MYO1H: variants seen among roughly 807,000 people sequenced by gnomAD.
MYO1H encodes the protein unconventional myosin-Ih.
MYO1H carries 118 observed loss-of-function variants against 149.3 expected under a neutral mutation model. The observed-to-expected ratio is 0.79, with a 90% CI of 0.68 to 0.92. The LOEUF is 0.92. Among genes scored for constraint, MYO1H ranks in the 40% least tolerant of loss-of-function variants. The probability of loss-of-function intolerance (pLI) is 0.00; values close to 1 mark genes in which losing one functional copy is unlikely to be tolerated. For missense variants in MYO1H, 1,212 were observed against 1,280.7 expected, an observed-to-expected ratio of 0.95 and a Z score of 0.82; for synonymous variants, 447 against 465.2, an observed-to-expected ratio of 0.96 and a Z score of 0.50.
the MYO1H span, among the ~76,000 whole-genome samples, chr12:109,337,087 G>C: frequency 6.6e-6 from 1 of 152,160 alleles, no homozygotes; most frequent in African/African-American, 2.4e-5. Context: ...GTCGTTGGAG[G>C]GAAGGAAGGA....
chr12:109,363,083 T>G (rs1022619011), intron 1 of MYO1H, among the ~76,000 whole-genome samples: 6 of 152,238 alleles, frequency 3.9e-5, no homozygotes, highest in African/African-American at 1.4e-4. Flanking sequence ...ATTAGGCACT[T>G]CCTTCCTCAC....
chr12:109,372,332 T>G (rs1224229824), intron 1 of MYO1H, among the ~76,000 whole-genome samples: 1 of 152,136 alleles, frequency 6.6e-6, no homozygotes, highest in African/African-American at 2.4e-5. Context: ...CCAGCCTTCC[T>G]TTTATAGAAC....
intron 9 of MYO1H, 114 bp downstream of exon 9, chr12:109,406,974 G>T: frequency 1.2e-6 from 1 of 853,448 alleles, no homozygotes. Flanking sequence ...TAGCTCACCA[G>T]GCCCTGCGTG....
chr12:109,409,318 A>G (rs1393063874), intron 10 of MYO1H, among the ~76,000 whole-genome samples: 1 of 138,280 alleles, frequency 7.2e-6, no homozygotes, highest in Non-Finnish European at 1.5e-5. Flanking sequence ...TGAACAAAGA[A>G]GTGAATCAGA....
At chr12:109,447,546 A>G (rs970327212) in exon 32 of MYO1H, 2 of 324,478 alleles carry the variant, frequency 6.2e-6, no homozygotes, top group Admixed American at 4.0e-5. Context: ...TACTGTGTAC[A>G]GCAAGTTCTC....
rs149916478 is a variant in MYO1H at position 109,442,130 on chromosome 12, T to A, written c.2633-87T>A. On this transcript the variant is annotated intron_variant, in intron 26 of 31. Coordinates refer to ENST00000310903, the Ensembl canonical transcript of MYO1H. ...CCCACCTGAGATCTTAGCACAGAGA[T>A]GCATAACAAAACTAGCAGATACCAA... is the stretch of plus-strand genomic sequence containing the variant. 9.3e-6 allele frequency: 10 copies of A among 1,078,382 alleles called. No homozygotes were observed. The East Asian group carries it at 2.4e-4, about 26-fold the overall frequency. 66.8% of individuals were successfully genotyped at this position (1,078,382 alleles called of 1,614,324 possible). A position where few individuals can be genotyped will look rare whatever the true frequency, so the allele number is the denominator to read the frequency against.
At chr12:109,431,272 C>T (rs941966178) in intron 19 of MYO1H, among the ~76,000 whole-genome samples, 8 of 147,244 alleles carry the variant, frequency 5.4e-5, no homozygotes, top group African/African-American at 1.5e-4. Context: ...CCCAGCTACT[C>T]GGGAGGCTGA....
At chr12:109,310,588 C>T in the MYO1H span, among the ~76,000 whole-genome samples, 1 of 151,636 alleles carries the variant, frequency 6.6e-6, no homozygotes, top group African/African-American at 2.4e-5. Flanking sequence ...AGGCAGGGGA[C>T]CAGTGTCCCC....
At chr12:109,410,690 G>T in exon 13 of MYO1H, 1 of 1,593,210 alleles carries the variant, frequency 6.3e-7, no homozygotes, top group South Asian at 1.1e-5. Context: ...CATTTTAGTG[G>T]GAGCCAATTA....
chr12:109,409,218 T>TCTC (rs1870536677), intron 10 of MYO1H, among the ~76,000 whole-genome samples: 3 of 117,976 alleles, frequency 2.5e-5, no homozygotes, highest in African/African-American at 5.8e-5. Flanking sequence ...TTCTTCTCCT[T>TCTC]CTTCTTTTTC....
At chr12:109,436,453 A>T (rs923113228) in intron 21 of MYO1H, 35 bp from the exon 22 acceptor site, 1 of 1,540,172 alleles carries the variant, frequency 6.5e-7, no homozygotes, top group Non-Finnish European at 8.9e-7. Context: ...CGCAAATGCA[A>T]AGCCATTTCA....
At chr12:109,355,861 C>T (rs1332427378) in intron 1 of MYO1H, among the ~76,000 whole-genome samples, 1 of 144,508 alleles carries the variant, frequency 6.9e-6, no homozygotes, top group African/African-American at 2.7e-5. Context: ...GTGTGTGCTG[C>T]CACGCCCAGC....
chr12:109,364,224 A>G (rs1026210223), intron 1 of MYO1H, among the ~76,000 whole-genome samples: 2 of 150,956 alleles, frequency 1.3e-5, no homozygotes, highest in African/African-American at 4.9e-5. Flanking sequence ...TGGGCAATCC[A>G]GTACCTGTAC....
chr12:109,358,950 C>T lies in MYO1H; in HGVS notation c.12+10978C>T, dbSNP rs964210017. Among the ~76,000 whole-genome samples the T allele has an allele frequency of 5.4e-5, 8 of 147,232 alleles. 1 individual carries two copies. In the South Asian group the frequency reaches 1.3e-3, roughly 24 times the overall value. On this transcript the variant is annotated intron_variant, in intron 1 of 31. Transcript: ENST00000310903. ...ATGAGTTTTTAGTAAAATTTTTAAA[C>T]ACAGGCATTCAAGGAATATACACCC...
At chr12:109,354,631 A>G (rs1206232198) in intron 1 of MYO1H, among the ~76,000 whole-genome samples, 2 of 94,786 alleles carry the variant, frequency 2.1e-5, no homozygotes, top group Non-Finnish European at 3.9e-5. Context: ...AAAAAAAAAA[A>G]AAAGAAAAGA....
chr12:109,427,088 G>A (rs1592812287), intron 18 of MYO1H, among the ~76,000 whole-genome samples: 1 of 152,092 alleles, frequency 6.6e-6, no homozygotes, highest in Non-Finnish European at 1.5e-5. Flanking sequence ...GGCCGAGGCG[G>A]GTGGATCACC....
the MYO1H span, among the ~76,000 whole-genome samples, chr12:109,315,754 C>G: frequency 2.0e-5 from 3 of 152,198 alleles, no homozygotes; most frequent in African/African-American, 7.2e-5. Context: ...GGGCCTTTGC[C>G]ATTTTTCTTG....
the MYO1H span, among the ~76,000 whole-genome samples, chr12:109,339,091 G>A: frequency 5.9e-5 from 9 of 152,166 alleles, no homozygotes; most frequent in East Asian, 1.3e-3. Flanking sequence ...CCGGCCAGGT[G>A]CAGTGGCTCA....
exon 29 of MYO1H, chr12:109,444,251 A>T (rs900049212): frequency 6.2e-6 from 10 of 1,613,774 alleles, no homozygotes; most frequent in Non-Finnish European, 8.5e-6. Flanking sequence ...AATCTTAGTC[A>T]TTCATGTTTC....
Sources: allele counts gnomAD v4.1 joint callset (sites outside exome capture counted in the v4.1 genomes callset), GRCh38; gene constraint gnomAD v4.1.1; transcripts MANE v1.5; gene names NCBI Gene and HGNC (gene_info 2026-07-23, HGNC 2026-07-21).